Variants in ZCWPW2 observed in about 807,000 individuals in gnomAD.
ZCWPW2 encodes zinc finger CW-type PWWP domain protein 2.
In ZCWPW2, 45 loss-of-function variants were observed where a neutral mutation model predicts 46.6. The ratio of observed to expected loss-of-function variants is 0.96; its 90% confidence interval spans 0.76 to 1.24. The LOEUF (loss-of-function observed/expected upper bound fraction) is 1.24. Among genes scored for constraint, ZCWPW2 ranks in the 50% most tolerant of loss-of-function variants. ZCWPW2 has a pLI of 0.00. For synonymous variants in ZCWPW2, 152 were observed against 137.1 expected, an observed-to-expected ratio of 1.11 and a Z score of -0.76; for missense variants, 429 against 403.9, an observed-to-expected ratio of 1.06 and a Z score of -0.53.
rs1474912648 is a variant in ZCWPW2, at chr3:28,427,134, TAA to T, written c.333-7975_333-7974del. 5.9e-5 allele frequency among the ~76,000 whole-genome samples: 9 copies of T among 152,362 alleles called. No homozygotes were observed. In the South Asian group the frequency reaches 1.0e-3, roughly 18 times the overall value. The stretch of plus-strand genomic sequence containing the variant: ...TCGTATACTTTTCTTGTAATTCTGA[TAA>T]GTTACCATTGGGTTGCCCACTCCTC... On this transcript the variant is annotated intron_variant, in intron 3 of 9. Coordinates refer to ENST00000383768, the MANE Select transcript of ZCWPW2 (RefSeq NM_001040432.4).
chr3:28,512,792 T>C (rs920786548), intron 6 of ZCWPW2, among the ~76,000 whole-genome samples: 4 of 152,108 alleles, frequency 2.6e-5, no homozygotes, highest in Admixed American at 2.6e-4. Flanking sequence ...GCTATTTGGC[T>C]CTTCTTAAAA....
At chr3:28,391,453 G>A (rs1490853737) in intron 2 of ZCWPW2, among the ~76,000 whole-genome samples, 1 of 152,086 alleles carries the variant, frequency 6.6e-6, no homozygotes, top group Non-Finnish European at 1.5e-5. Flanking sequence ...GGGCTCAGGA[G>A]TCCAATTAAC....
chr3:28,489,662 A>G lies in ZCWPW2; in HGVS notation c.611-2465A>G, dbSNP rs1324362842. Among the ~76,000 whole-genome samples the G allele has an allele frequency of 6.0e-5, 4 of 66,224 alleles. No homozygotes were observed. In the East Asian group the frequency reaches 1.1e-3, roughly 18 times the overall value. 43.4% of individuals were successfully genotyped at this position (66,224 alleles called of 152,430 possible). ...TTCTTTCTCTCTCTTTCACACACAC[A>G]CGCGCGCACACACACACACACACAC... On this transcript the variant is annotated intron_variant, in intron 5 of 9. Coordinates refer to ENST00000383768, the MANE Select transcript of ZCWPW2 (RefSeq NM_001040432.4).
chr3:28,454,300 G>C (rs545397792), intron 4 of ZCWPW2, among the ~76,000 whole-genome samples: 2 of 152,186 alleles, frequency 1.3e-5, no homozygotes, highest in South Asian at 4.1e-4. Flanking sequence ...CTTATGTAGG[G>C]AGTATGATGT....
intron 2 of ZCWPW2, among the ~76,000 whole-genome samples, chr3:28,409,367 G>A (rs2125737190): frequency 6.6e-6 from 1 of 152,056 alleles, no homozygotes; most frequent in South Asian, 2.1e-4. Flanking sequence ...TGATTCACCA[G>A]CTTCAGCCCC....
intron 3 of ZCWPW2, among the ~76,000 whole-genome samples, chr3:28,432,092 C>T (rs1697279720): frequency 6.6e-6 from 1 of 152,146 alleles, no homozygotes; most frequent in Non-Finnish European, 1.5e-5. Context: ...CATGTCCCTC[C>T]TACAACATGT....
rs191443418 is a variant in ZCWPW2 at position 28,525,793 on chromosome 3, T to C, written c.*1105T>C. On this transcript the variant is annotated 3_prime_UTR_variant, in exon 10 of 10. Coordinates refer to ENST00000383768, the MANE Select transcript of ZCWPW2 (RefSeq NM_001040432.4). ...GAGATAGACTCACAACGGTGAAATATCTTATTTGTCAAAGTAAAGTATGTA... is the reference window on the plus strand; with the variant it reads ...GAGATAGACTCACAACGGTGAAATACCTTATTTGTCAAAGTAAAGTATGTA... Among the ~76,000 whole-genome samples, 2 of 152,178 alleles carry C rather than the reference T, an allele frequency of 1.3e-5. No homozygotes were observed. Among genetic ancestry groups the C allele is most frequent in the African/African-American group, 4.8e-5 (2 of 41,450 alleles).
At chr3:28,508,509 T>A (rs1333528282) in intron 6 of ZCWPW2, among the ~76,000 whole-genome samples, 1 of 151,978 alleles carries the variant, frequency 6.6e-6, no homozygotes, top group Non-Finnish European at 1.5e-5. Flanking sequence ...ACCTTTTTGT[T>A]TTGTTTTGTT....
At chr3:28,403,640 A>G (rs1053048332) in intron 2 of ZCWPW2, among the ~76,000 whole-genome samples, 39 of 152,336 alleles carry the variant, frequency 2.6e-4, no homozygotes, top group African/African-American at 8.7e-4. Context: ...ACTGATTTCA[A>G]ACTATACTAT....
At chr3:28,432,111 T>G (rs886214334) in intron 3 of ZCWPW2, among the ~76,000 whole-genome samples, 3 of 152,172 alleles carry the variant, frequency 2.0e-5, no homozygotes, top group Non-Finnish European at 2.9e-5. Context: ...GTGGGGATTA[T>G]GGGAATTACA....
Position 28,439,872 on chromosome 3 carries a change from A to C in ZCWPW2, c.492+4603A>C, listed in dbSNP as rs145444776. On this transcript the variant is annotated intron_variant, in intron 4 of 9. Transcript: ENST00000383768. ...AAGAGCAAATACTCATGACAATTAC[A>C]GTCCCATTTCTGCAGCTGGTCATGT... Among the ~76,000 whole-genome samples the C allele has an allele frequency of 6.6e-3, 1,010 of 152,362 alleles. 9 individuals are homozygous for C. The highest frequency in any genetic ancestry group is 0.02 in the African/African-American group (852 of 41,584).
intron 6 of ZCWPW2, among the ~76,000 whole-genome samples, chr3:28,500,589 T>C (rs533260433): frequency 6.6e-6 from 1 of 152,162 alleles, no homozygotes; most frequent in Non-Finnish European, 1.5e-5. Flanking sequence ...TCAGCTATTA[T>C]GTTTTCTGAT....
chr3:28,388,273 A>T (rs1477068894), intron 1 of ZCWPW2, among the ~76,000 whole-genome samples: 1 of 152,184 alleles, frequency 6.6e-6, no homozygotes, highest in Non-Finnish European at 1.5e-5. Context: ...TTGACCAAAT[A>T]TCTGGGCTCT....
intron 1 of ZCWPW2, among the ~76,000 whole-genome samples, chr3:28,378,778 C>T (rs981479522): frequency 6.6e-5 from 10 of 151,922 alleles, no homozygotes; most frequent in East Asian, 5.8e-4. Context: ...TTCTCTTTGA[C>T]GAGTGTTCAT....
At chr3:28,408,719 A>AT (rs1362921982) in intron 2 of ZCWPW2, among the ~76,000 whole-genome samples, 1 of 152,142 alleles carries the variant, frequency 6.6e-6, no homozygotes, top group Non-Finnish European at 1.5e-5. Flanking sequence ...AGTAAAGCCT[A>AT]TTTTTCTTAC....
chr3:28,431,731 TA>T (rs1697266140), intron 3 of ZCWPW2, among the ~76,000 whole-genome samples: 1 of 152,198 alleles, frequency 6.6e-6, no homozygotes, highest in African/African-American at 2.4e-5. Context: ...GTTTGAACTT[TA>T]TAACAACACA....
intron 1 of ZCWPW2, among the ~76,000 whole-genome samples, chr3:28,357,837 C>G (rs144512465): frequency 2.2e-4 from 31 of 143,934 alleles, no homozygotes; most frequent in African/African-American, 7.5e-4. Context: ...ACATATATAT[C>G]TGTGCATCCT....
At chr3:28,441,460 C>T (rs1160248962) in intron 4 of ZCWPW2, among the ~76,000 whole-genome samples, 2 of 152,160 alleles carry the variant, frequency 1.3e-5, no homozygotes, top group Non-Finnish European at 1.5e-5. Flanking sequence ...GATTACCATT[C>T]ACAACTCTCC....
At chr3:28,374,504 T>A (rs1486618072) in intron 1 of ZCWPW2, among the ~76,000 whole-genome samples, 3 of 152,202 alleles carry the variant, frequency 2.0e-5, no homozygotes, top group Non-Finnish European at 4.4e-5. Flanking sequence ...TTTCTATTTC[T>A]ATGAAAAATC....
Sources: allele counts gnomAD v4.1 joint callset (sites outside exome capture counted in the v4.1 genomes callset), GRCh38; gene constraint gnomAD v4.1.1; transcripts MANE v1.5; gene names NCBI Gene and HGNC (gene_info 2026-07-23, HGNC 2026-07-21).